ZC3H12B: variants seen among roughly 807,000 people sequenced by gnomAD.
The protein encoded by ZC3H12B is probable ribonuclease ZC3H12B.
ZC3H12B carries 7 observed loss-of-function variants against 43.9 expected under a neutral mutation model. The ratio of observed to expected loss-of-function variants is 0.16; its 90% CI spans 0.09 to 0.30. ZC3H12B has a LOEUF of 0.30. Among genes scored for constraint, ZC3H12B ranks in the 10% least tolerant of loss-of-function variants. ZC3H12B has a pLI of 1.00. For synonymous variants in ZC3H12B, 222 were observed against 241.7 expected, an observed-to-expected ratio of 0.92 and a Z score of 0.76; for missense variants, 475 against 670.2, an observed-to-expected ratio of 0.71 and a Z score of 3.22.
chrX:65,379,109 G>C (rs1204820163), intron 2 of ZC3H12B, among the ~76,000 whole-genome samples: 1 of 112,184 alleles, frequency 8.9e-6, no homozygotes, highest in Non-Finnish European at 1.9e-5. Context: ...GCCTGCCACA[G>C]CTCAAGGAGG....
At chrX:65,091,574 G>A in the ZC3H12B span, among the ~76,000 whole-genome samples, 1 of 111,859 alleles carries the variant, frequency 8.9e-6, no homozygotes, top group Non-Finnish European at 1.9e-5. Flanking sequence ...TAGATGTTGA[G>A]TACTAGCTAT....
intron 3 of ZC3H12B, among the ~76,000 whole-genome samples, chrX:65,451,953 G>C (rs2067520280): frequency 9.0e-6 from 1 of 111,721 alleles, no homozygotes; most frequent in Admixed American, 9.6e-5. Flanking sequence ...AGGCTTTATT[G>C]ATTTGGACAT....
chrX:65,174,522 T>G, the ZC3H12B span, among the ~76,000 whole-genome samples: 1 of 111,330 alleles, frequency 9.0e-6, no homozygotes, highest in Non-Finnish European at 1.9e-5. Context: ...GATGGGAGTT[T>G]TATCTATAAT....
At chrX:65,058,796 T>C in the ZC3H12B span, among the ~76,000 whole-genome samples, 1 of 112,054 alleles carries the variant, frequency 8.9e-6, no homozygotes, top group Non-Finnish European at 1.9e-5. Flanking sequence ...TCCCCCAGCC[T>C]CACTGCCACC....
chrX:65,165,432 C>A, the ZC3H12B span, among the ~76,000 whole-genome samples: 23 of 111,925 alleles, frequency 2.1e-4, no homozygotes, highest in Non-Finnish European at 3.8e-4. Context: ...ACTTCATTTG[C>A]CCCACACTGC....
At chrX:65,435,536 T>C (rs2067209184) in intron 3 of ZC3H12B, among the ~76,000 whole-genome samples, 1 of 111,458 alleles carries the variant, frequency 9.0e-6, no homozygotes, top group African/African-American at 3.3e-5. Flanking sequence ...GTTCTAAAAA[T>C]CTTCCAAAAC....
the ZC3H12B span, among the ~76,000 whole-genome samples, chrX:65,351,651 G>A: frequency 8.9e-6 from 1 of 112,445 alleles, no homozygotes; most frequent in Non-Finnish European, 1.9e-5. Context: ...CAAAAAGTGG[G>A]TGAAGGATAT....
the ZC3H12B span, among the ~76,000 whole-genome samples, chrX:65,264,218 C>T: frequency 2.8e-4 from 31 of 111,315 alleles, no homozygotes; most frequent in African/African-American, 5.5e-4. Context: ...ATGTCCACTA[C>T]TCAAGTGATG....
At chrX:65,207,409 C>A in the ZC3H12B span, among the ~76,000 whole-genome samples, 19 of 110,395 alleles carry the variant, frequency 1.7e-4, no homozygotes. Flanking sequence ...CATATGTTCT[C>A]AGTGATATGT....
the ZC3H12B span, among the ~76,000 whole-genome samples, chrX:65,325,245 T>G: frequency 5.4e-5 from 6 of 111,172 alleles, no homozygotes; most frequent in Non-Finnish European, 9.5e-5. Context: ...TTGAAAGTAC[T>G]TGTCAGAGAA....
At chrX:65,422,925 CTTTT>C (rs34567013) in intron 3 of ZC3H12B, among the ~76,000 whole-genome samples, 6 of 46,179 alleles carry the variant, frequency 1.3e-4, no homozygotes, top group Admixed American at 3.4e-4. Flanking sequence ...TCTTTCTTTG[CTTTT>C]TTTTTTTTTT....
chrX:65,211,656 T>C, the ZC3H12B span, among the ~76,000 whole-genome samples: 1 of 92,943 alleles, frequency 1.1e-5, no homozygotes, highest in Non-Finnish European at 2.1e-5. Flanking sequence ...TGTAATTATA[T>C]ATACATAATA....
intron 3 of ZC3H12B, among the ~76,000 whole-genome samples, chrX:65,405,952 C>A (rs1322198152): frequency 9.0e-6 from 1 of 111,183 alleles, no homozygotes; most frequent in East Asian, 2.8e-4. Flanking sequence ...AGAAAGAAAT[C>A]CAAAACCTGA....
rs769198842 is a variant in ZC3H12B at position 65,402,956 on chromosome X, G to A, written n.407+4252G>A. Among the ~76,000 whole-genome samples, 5 of 112,299 alleles carry A rather than the reference G, an allele frequency of 4.5e-5. No individual in the cohort carries two copies. In the South Asian group the frequency reaches 1.5e-3, roughly 33 times the overall value. ...ACTAGCATCAACACCACCCAGGAAA[G>A]CATAACCTCACCAAATGAACTAAAT... On this transcript the variant is annotated intron_variant and non_coding_transcript_variant, in intron 3 of 5. Coordinates refer to the ZC3H12B transcript ENST00000617377.
chrX:65,070,059 G>A, the ZC3H12B span, among the ~76,000 whole-genome samples: 2 of 106,233 alleles, frequency 1.9e-5, no homozygotes, highest in Admixed American at 2.0e-4. Context: ...CATAGAACTC[G>A]GCTGTGAATC....
At chrX:65,171,844 G>C in the ZC3H12B span, among the ~76,000 whole-genome samples, 4 of 111,564 alleles carry the variant, frequency 3.6e-5, no homozygotes, top group East Asian at 1.1e-3. Context: ...TCCGAGACAA[G>C]TGTGGGATAT....
At chrX:65,384,951 A>C (rs1049665629) in intron 2 of ZC3H12B, among the ~76,000 whole-genome samples, 1 of 112,319 alleles carries the variant, frequency 8.9e-6, no homozygotes, top group Non-Finnish European at 1.9e-5. Flanking sequence ...TAAAGATCAG[A>C]TGGTTGTAGA....
the ZC3H12B span, among the ~76,000 whole-genome samples, chrX:65,178,150 C>A: frequency 8.9e-6 from 1 of 112,075 alleles, no homozygotes; most frequent in Non-Finnish European, 1.9e-5. Flanking sequence ...CTGAGAAACA[C>A]AAGCAATGGG....
the ZC3H12B span, among the ~76,000 whole-genome samples, chrX:65,126,779 T>A: frequency 9.4e-6 from 1 of 106,643 alleles, no homozygotes; most frequent in East Asian, 3.0e-4. Flanking sequence ...GCTTGTTCAA[T>A]TCTATTGCTG....
Sources: gnomAD v4.1 joint callset for allele counts (sites outside exome capture counted in the v4.1 genomes callset) on GRCh38, gnomAD v4.1.1 for gene constraint, MANE v1.5 for transcripts, NCBI Gene and HGNC (gene_info 2026-07-23, HGNC 2026-07-21) for gene names.